Variants in UNC5D observed in about 807,000 individuals in gnomAD.
The protein encoded by UNC5D is unc-5 netrin receptor D.
A neutral mutation model predicts 105.4 loss-of-function variants in UNC5D; 39 were observed. The observed-to-expected ratio is 0.37, with a 90% CI of 0.29 to 0.48. The LOEUF (loss-of-function observed/expected upper bound fraction) is 0.48. Ranked by LOEUF, UNC5D falls within the 20% of genes least tolerant of loss-of-function variation. The pLI, the probability that UNC5D is intolerant of heterozygous loss-of-function variation, is 0.98. For missense variants in UNC5D, 991 were observed against 1,202.4 expected (o/e 0.82, Z 2.60); for synonymous variants, 452 against 450.4 (o/e 1.00, Z -0.04).
chr8:35,591,706 A>C (rs1459018157), intron 3 of UNC5D, among the ~76,000 whole-genome samples: 1 of 152,094 alleles, frequency 6.6e-6, no homozygotes, highest in African/African-American at 2.4e-5. Flanking sequence ...CCAGGTATTT[A>C]TTAAGAACCT....
chr8:35,722,289 T>C lies in UNC5D; in HGVS notation c.1197T>C (p.Gly399=). The change falls in exon 9 of 17, where the codon GGT becomes GGC. Residue 399 remains glycine, a synonymous_variant. Coordinates refer to ENST00000404895, the MANE Select transcript of UNC5D (RefSeq NM_080872.4). ...AVVAVAVLVI[G]VTLYRRSQSD... ...TGGCCGTTGCAGTCCTGGTCATTGG[T>C]GTCACCCTTTACAGACGGAGCCAGA... is the stretch of plus-strand genomic sequence containing the variant. 1.2e-6 allele frequency: 2 copies of C among 1,614,170 alleles called. No individual in the cohort carries two copies. Among genetic ancestry groups the C allele is most frequent in the East Asian group, 2.2e-5 (1 of 44,878 alleles).
chr8:35,554,242 GATT>G (rs2130716160), intron 2 of UNC5D, among the ~76,000 whole-genome samples: 1 of 152,308 alleles, frequency 6.6e-6, no homozygotes, highest in East Asian at 1.9e-4. Flanking sequence ...TAAGAAAAGA[GATT>G]GTGTGTTTTC....
At chr8:35,271,726 C>T (rs1249520922) in intron 1 of UNC5D, among the ~76,000 whole-genome samples, 2 of 120,444 alleles carry the variant, frequency 1.7e-5, no homozygotes, top group South Asian at 2.3e-4. Context: ...TACATGTATA[C>T]ATGTATACAT....
At chr8:35,460,246 G>A (rs1035335655) in intron 1 of UNC5D, among the ~76,000 whole-genome samples, 2 of 152,144 alleles carry the variant, frequency 1.3e-5, no homozygotes, top group Non-Finnish European at 1.5e-5. Context: ...TAGGGGGGCA[G>A]CATTCAGTGT....
At chr8:35,287,436 A>T (rs1031323275) in intron 1 of UNC5D, among the ~76,000 whole-genome samples, 10 of 152,276 alleles carry the variant, frequency 6.6e-5, no homozygotes, top group Non-Finnish European at 7.4e-5. Context: ...AGAAACAAAT[A>T]AAAAAATCAA....
intron 1 of UNC5D, among the ~76,000 whole-genome samples, chr8:35,291,137 T>C (rs182189431): frequency 6.6e-6 from 1 of 152,082 alleles, no homozygotes; most frequent in Non-Finnish European, 1.5e-5. Flanking sequence ...AATTGTGTGA[T>C]ATAGAGTGGC....
intron 1 of UNC5D, among the ~76,000 whole-genome samples, chr8:35,460,100 C>A (rs967743663): frequency 6.6e-6 from 1 of 152,192 alleles, no homozygotes; most frequent in Non-Finnish European, 1.5e-5. Context: ...AATAAGCTTA[C>A]TTTTACATAC....
At chr8:35,672,998 G>C (rs1476730227) in intron 4 of UNC5D, among the ~76,000 whole-genome samples, 1 of 152,166 alleles carries the variant, frequency 6.6e-6, no homozygotes, top group Non-Finnish European at 1.5e-5. Flanking sequence ...ATTTCATTCA[G>C]CATCAGTGAG....
chr8:35,678,515 GAATA>G lies in UNC5D; in HGVS notation c.571-5030_571-5027del, dbSNP rs201767099. Reference sequence around the variant, plus strand: ...GCCATAATTAACTATCAGAAAAAAAGAATAATTACCCCAGTTAAGACTTCTATAA... The same window carrying G: ...GCCATAATTAACTATCAGAAAAAAAGATTACCCCAGTTAAGACTTCTATAA... On this transcript the variant is annotated intron_variant, in intron 4 of 16. Coordinates refer to ENST00000404895, the MANE Select transcript of UNC5D (RefSeq NM_080872.4). 9.1e-4 allele frequency among the ~76,000 whole-genome samples: 139 copies of G among 152,212 alleles called. No individual in the cohort carries two copies. In the East Asian group the frequency reaches 0.025, roughly 27 times the overall value.
intron 1 of UNC5D, among the ~76,000 whole-genome samples, chr8:35,270,669 C>A (rs529867675): frequency 1.3e-5 from 2 of 152,232 alleles, no homozygotes; most frequent in South Asian, 4.1e-4. Flanking sequence ...ATCTTGTGTC[C>A]TGTCAGATCT....
chr8:35,768,984 G>T (rs931854885), intron 15 of UNC5D, among the ~76,000 whole-genome samples: 1 of 152,102 alleles, frequency 6.6e-6, no homozygotes, highest in Non-Finnish European at 1.5e-5. Context: ...ACAGAATTTG[G>T]CCCAGGTTGT....
intron 1 of UNC5D, among the ~76,000 whole-genome samples, chr8:35,383,955 G>A (rs576890908): frequency 1.3e-4 from 19 of 151,948 alleles, no homozygotes; most frequent in African/African-American, 4.1e-4. Context: ...GGTGGCTCAC[G>A]CCTGTCATCC....
chr8:35,510,220 G>A (rs377120578), intron 1 of UNC5D, among the ~76,000 whole-genome samples: 2 of 147,972 alleles, frequency 1.4e-5, no homozygotes, highest in African/African-American at 5.0e-5. Context: ...ACAACATTCT[G>A]TTGAAGCCTT....
chr8:35,342,628 T>C (rs752853775), intron 1 of UNC5D, among the ~76,000 whole-genome samples: 1 of 152,094 alleles, frequency 6.6e-6, no homozygotes, highest in Non-Finnish European at 1.5e-5. Flanking sequence ...TTTGGTAAAG[T>C]GGTGTGAACC....
At chr8:35,252,434 A>C (rs1413997469) in intron 1 of UNC5D, among the ~76,000 whole-genome samples, 1 of 152,148 alleles carries the variant, frequency 6.6e-6, no homozygotes, top group Non-Finnish European at 1.5e-5. Context: ...TGTTTTAAAA[A>C]ATAGTTTAAA....
intron 4 of UNC5D, among the ~76,000 whole-genome samples, chr8:35,631,251 T>TTCAAC (rs1822020507): frequency 6.6e-6 from 1 of 151,204 alleles, no homozygotes; most frequent in Non-Finnish European, 1.5e-5. Context: ...GAGGCGGAGG[T>TTCAAC]TTCAGTGAGC....
intron 1 of UNC5D, among the ~76,000 whole-genome samples, chr8:35,502,949 A>T (rs570513343): frequency 6.6e-6 from 1 of 152,322 alleles, no homozygotes; most frequent in Admixed American, 6.5e-5. Context: ...ACTATGCTCA[A>T]GCTCCTTGCT....
chr8:35,237,758 A>G (rs1181899152), intron 1 of UNC5D, among the ~76,000 whole-genome samples: 1 of 152,146 alleles, frequency 6.6e-6, no homozygotes, highest in African/African-American at 2.4e-5. Flanking sequence ...CCCATGTCAT[A>G]TTTTACATTC....
chr8:35,778,658 C>T (rs544026635), intron 16 of UNC5D, among the ~76,000 whole-genome samples: 1 of 152,182 alleles, frequency 6.6e-6, no homozygotes, highest in African/African-American at 2.4e-5. Context: ...TGACTCTTCC[C>T]CTCCATTCAA....
Sources: gnomAD v4.1 joint callset for allele counts (sites outside exome capture counted in the v4.1 genomes callset) on GRCh38, gnomAD v4.1.1 for gene constraint, MANE v1.5 for transcripts, NCBI Gene and HGNC (gene_info 2026-07-23, HGNC 2026-07-21) for gene names.